MOV10L1: variants seen among roughly 807,000 people sequenced by gnomAD.
The protein encoded by MOV10L1 is RNA helicase Mov10l1.
A neutral mutation model predicts 143.8 loss-of-function variants in MOV10L1; 110 were observed. That is an observed-to-expected ratio of 0.76 (90% CI 0.66 to 0.90). The LOEUF is 0.90. MOV10L1 is among the 40% of genes least tolerant of loss of function. The probability of loss-of-function intolerance (pLI) is 0.00; values close to 1 mark genes in which losing one functional copy is unlikely to be tolerated. For missense variants in MOV10L1, 1,406 were observed against 1,526.8 expected, an observed-to-expected ratio of 0.92 and a Z score of 1.32; for synonymous variants, 593 against 581.1, an observed-to-expected ratio of 1.02 and a Z score of -0.29.
rs139588421 is a variant in MOV10L1 at position 50,155,770 on chromosome 22, C to A, written c.3067-2287C>A. Among the ~76,000 whole-genome samples, 365 of 152,226 alleles carry A rather than the reference C, an allele frequency of 2.4e-3. 4 individuals carry two copies. The highest frequency in any genetic ancestry group is 8.2e-3 in the African/African-American group (342 of 41,542). ...ATTACAGGCGTGAGCCACCGCACCC[C>A]GCCTGGTGGTCACTTTTTTAAATTC... On this transcript the variant is annotated intron_variant, in intron 22 of 26. Transcript: ENST00000262794.
At position 50,117,355 on chromosome 22, in the gene MOV10L1, C is replaced by T; in HGVS notation, c.1454+4C>T. The stretch of plus-strand genomic sequence containing the variant: ...TTGTTGTGACCGCACAGAAAAGGTA[C>T]CATAACTGAAATGAGTGTGGCTCTT... On this transcript the variant is annotated splice_donor_region_variant and intron_variant, in intron 9 of 26. Coordinates refer to ENST00000262794, the MANE Select transcript of MOV10L1 (RefSeq NM_018995.3). The T allele has an allele frequency of 6.2e-7, 1 of 1,611,940 alleles. No homozygotes were observed. The highest frequency in any genetic ancestry group is 8.5e-7 in the Non-Finnish European group (1 of 1,178,800).
chr22:50,132,345 T>TG (rs1398134190), intron 13 of MOV10L1, among the ~76,000 whole-genome samples: 5 of 152,194 alleles, frequency 3.3e-5, no homozygotes, highest in African/African-American at 1.2e-4. Flanking sequence ...GAAAGCCTGT[T>TG]GGGATTTTGA....
In MOV10L1 at chr22:50,160,669, C is replaced by T. The variant is rs375226764; in HGVS notation, c.3325-19C>T. 5.0e-6 allele frequency: 8 copies of T among 1,598,228 alleles called. No homozygotes were observed. Among genetic ancestry groups the T allele is most frequent in the Non-Finnish European group, 6.8e-6 (8 of 1,172,526 alleles). On this transcript the variant is annotated intron_variant, in intron 24 of 26. Coordinates refer to ENST00000262794, the MANE Select transcript of MOV10L1 (RefSeq NM_018995.3). Reference sequence around the variant, plus strand: ...AAAAACTTCAAGTGCCATTTTTATTCATCTCTGTGTGCTTTTAGGTACGGT... The same window carrying T: ...AAAAACTTCAAGTGCCATTTTTATTTATCTCTGTGTGCTTTTAGGTACGGT...
At chr22:50,094,137 C>G (rs1396243326) in intron 2 of MOV10L1, 6 of 152,118 alleles carry the variant, frequency 3.9e-5, no homozygotes, top group African/African-American at 1.4e-4. Context: ...CCCCCTCTGC[C>G]CAGATTTGCT....
chr22:50,110,748 C>T lies in MOV10L1; in HGVS notation c.743+1904C>T, dbSNP rs141049779. ...GAGTTCGAGAACAGCCTGGGCAACA[C>T]GGTGAAACCCCATCTCTACTAAAAT... On this transcript the variant is annotated intron_variant, in intron 5 of 26. Transcript: ENST00000262794. Among the ~76,000 whole-genome samples the T allele has an allele frequency of 2.8e-3, 420 of 151,810 alleles. 4 individuals are homozygous for T. Among genetic ancestry groups the T allele is most frequent in the East Asian group, 0.017 (85 of 5,088 alleles).
intron 10 of MOV10L1, among the ~76,000 whole-genome samples, chr22:50,120,963 T>G (rs1032755681): frequency 6.6e-6 from 1 of 152,284 alleles, no homozygotes; most frequent in South Asian, 2.1e-4. Context: ...TGTTCTAGCC[T>G]TTTACCATCA....
Position 50,099,505 on chromosome 22 carries a change from C to T in MOV10L1, c.345C>T (p.Cys115=), listed in dbSNP as rs1288056571. 25 of 1,614,026 alleles carry T rather than the reference C, an allele frequency of 1.5e-5. No homozygotes were observed. Among genetic ancestry groups the T allele is most frequent in the South Asian group, 2.2e-5 (2 of 91,080 alleles). ...GAAACCATGGGAGTCCCTCAGACTGCGGCCCCCGAGTGTTGATTGGCTGTG... is the reference window on the plus strand; with the variant it reads ...GAAACCATGGGAGTCCCTCAGACTGTGGCCCCCGAGTGTTGATTGGCTGTG... The part of the protein sequence containing the change: ...DSRNHGSPSD[C]GPRVLIGCVT... Residue 115 remains cysteine, a synonymous_variant, in exon 3 of 27, where the codon TGC becomes TGT. Coordinates refer to ENST00000262794, the MANE Select transcript of MOV10L1 (RefSeq NM_018995.3).
rs988223293 is a variant in MOV10L1 at position 50,152,040 on chromosome 22, A to G, written c.2893-1005A>G. Among the ~76,000 whole-genome samples the G allele has an allele frequency of 6.6e-6, 1 of 152,222 alleles. No homozygotes were observed. The highest frequency in any genetic ancestry group is 1.5e-5 in the Non-Finnish European group (1 of 68,028). ...GATCACATTTGGAGTTTGGAGTAGC[A>G]CGTTGGAGGCTGGACACATTCTATT... is the stretch of plus-strand genomic sequence containing the variant. On this transcript the variant is annotated intron_variant, in intron 21 of 26. Transcript: ENST00000262794. This position sits in a 1 kb window ranked among gnomAD's most constrained non-coding sequence, Gnocchi z 4.4.
At chr22:50,131,800 CA>C (rs2062686524) in intron 13 of MOV10L1, among the ~76,000 whole-genome samples, 1 of 151,906 alleles carries the variant, frequency 6.6e-6, no homozygotes, top group Non-Finnish European at 1.5e-5. Context: ...TTCCATTGTA[CA>C]CTTGTCTGTC....
At chr22:50,129,238 A>G (rs946810222) in intron 13 of MOV10L1, among the ~76,000 whole-genome samples, 1 of 152,194 alleles carries the variant, frequency 6.6e-6, no homozygotes, top group Non-Finnish European at 1.5e-5. Context: ...TGTCACCGTC[A>G]GCTACCAGCT....
At chr22:50,112,569 G>T (rs549384950) in intron 5 of MOV10L1, among the ~76,000 whole-genome samples, 1 of 152,304 alleles carries the variant, frequency 6.6e-6, no homozygotes, top group Admixed American at 6.5e-5. Context: ...ACCTGTTTCT[G>T]CCCCCACAGC....
Position 50,125,380 on chromosome 22 carries a change from G to T in MOV10L1, c.1570-12G>T. 1 of 1,613,222 alleles carries T rather than the reference G, an allele frequency of 6.2e-7. No homozygotes were observed. On this transcript the variant is annotated splice_polypyrimidine_tract_variant and intron_variant, in intron 10 of 26. Coordinates refer to ENST00000262794, the MANE Select transcript of MOV10L1 (RefSeq NM_018995.3). Reference sequence around the variant, plus strand: ...GCTGTTGCTGACTTTATAACATTTGGGTGTTTTCCAGCTTCTGAACATGTC... The same window carrying T: ...GCTGTTGCTGACTTTATAACATTTGTGTGTTTTCCAGCTTCTGAACATGTC...
chr22:50,105,454 CCA>C (rs2061844217), intron 3 of MOV10L1, among the ~76,000 whole-genome samples: 1 of 152,146 alleles, frequency 6.6e-6, no homozygotes, highest in Non-Finnish European at 1.5e-5. Context: ...ATTCTCAAGT[CCA>C]GTCTTAGAAT....
Position 50,117,263 on chromosome 22 carries a change from G to A in MOV10L1, c.1366G>A (p.Ala456Thr). The change falls in exon 9 of 27, where the codon GCG becomes ACG. Residue 456 changes from alanine to threonine, a missense_variant. Ala to Thr is a moderately conservative substitution (Grantham distance 58, BLOSUM62 0). Transcript: ENST00000262794. The stretch of plus-strand genomic sequence containing the variant: ...CAGTGGGGAGGAGTCACTAATTGCT[G>A]CGCGCGAACCATTTTCTTGGAAAAA... ...VISGEESLIA[A>T]REPFSWKKLK... 2.5e-6 allele frequency: 4 copies of A among 1,614,072 alleles called. No individual in the cohort carries two copies. The highest frequency in any genetic ancestry group is 3.4e-6 in the Non-Finnish European group (4 of 1,180,008).
In MOV10L1 at chr22:50,090,043, G is replaced by C. The variant is rs968330955; in HGVS notation, c.-46G>C. The C allele has an allele frequency of 3.5e-5, 34 of 984,254 alleles. No individual in the cohort carries two copies. Among genetic ancestry groups the C allele is most frequent in the Non-Finnish European group, 3.8e-5 (30 of 782,062 alleles). The allele number at this position is 984,254 out of a possible 1,614,324, so 61.0% of individuals were successfully genotyped here. A position where few individuals can be genotyped will look rare whatever the true frequency, so the allele number is the denominator to read the frequency against. On this transcript the variant is annotated 5_prime_UTR_variant, in exon 1 of 27. Coordinates refer to ENST00000262794, the MANE Select transcript of MOV10L1 (RefSeq NM_018995.3). ...CGGCGGGAGCGGCGCGGGCGCGTGC[G>C]GGCGGCGGCAGCGGCGGTGACGGCA...
rs1028736605 is a variant in MOV10L1, at chr22:50,154,303, C to A, written c.3066+1085C>A. Among the ~76,000 whole-genome samples, 3 of 152,216 alleles carry A rather than the reference C, an allele frequency of 2.0e-5. No homozygotes were observed. The East Asian group carries it at 5.8e-4, about 29-fold the overall frequency. The stretch of plus-strand genomic sequence containing the variant: ...GCCAGGCACAGGGGCTCACCTGTAA[C>A]CCCAGCACTTTGGGAGGCTGAGGCA... On this transcript the variant is annotated intron_variant, in intron 22 of 26. Coordinates refer to ENST00000262794, the MANE Select transcript of MOV10L1 (RefSeq NM_018995.3).
rs768460395 is a variant in MOV10L1, at chr22:50,126,225, C to G, written c.1771C>G (p.Gln591Glu). The part of the protein sequence containing the change: ...YAGDKLILKT[Q>E]EYNGHAIEYI... ...AGGTGATAAACTGATTTTAAAAACT[C>G]AAGAGTACAATGGACATGCCATCGA... is the stretch of plus-strand genomic sequence containing the variant. The change falls in exon 12 of 27, where the codon CAA becomes GAA. Residue 591 changes from glutamine to glutamate, a missense_variant. By Grantham distance (29) the Gln-to-Glu change is conservative (BLOSUM62 2). Around this residue, in one of 3 missense-constraint regions of MOV10L1, gnomAD observed 1,233 missense variants for 1,351.4 expected, o/e 0.91. Coordinates refer to ENST00000262794, the MANE Select transcript of MOV10L1 (RefSeq NM_018995.3). 1 of 1,611,258 alleles carries G rather than the reference C, an allele frequency of 6.2e-7. No individual in the cohort carries two copies. Among genetic ancestry groups the G allele is most frequent in the East Asian group, 2.2e-5 (1 of 44,852 alleles).
intron 19 of MOV10L1, 45 bp from the exon 20 acceptor site, chr22:50,149,570 A>G (rs765435997): frequency 6.3e-7 from 1 of 1,593,202 alleles, no homozygotes; most frequent in South Asian, 1.1e-5. Flanking sequence ...ATCAATTGCT[A>G]AAACAATTCG....
rs140980361 is a variant in MOV10L1 at position 50,149,669 on chromosome 22, G to A, written c.2682G>A (p.Pro894=). The stretch of plus-strand genomic sequence containing the variant: ...ACGAGGCTGGGCAGGCAAGTGAGCC[G>A]GAATGCCTCATTCCTCTGGGGCTGA... The part of the protein sequence containing the change: ...FVDEAGQASE[P]ECLIPLGLMS... The change falls in exon 20 of 27, where the codon CCG becomes CCA. Residue 894 remains proline (P), a synonymous_variant. Coordinates refer to ENST00000262794, the MANE Select transcript of MOV10L1 (RefSeq NM_018995.3). The A allele has an allele frequency of 4.6e-5, 75 of 1,613,960 alleles. No homozygotes were observed. Among genetic ancestry groups the A allele is most frequent in the Admixed American group, 1.5e-4 (9 of 59,998 alleles).
Sources: gnomAD v4.1 joint callset for allele counts (sites outside exome capture counted in the v4.1 genomes callset) on GRCh38, gnomAD v4.1.1 for gene constraint, gnomAD v4.1.1 regional missense constraint, Gnocchi (gnomAD v3.1) non-coding constraint, MANE v1.5 for transcripts, NCBI Gene and HGNC (gene_info 2026-07-23, HGNC 2026-07-21) for gene names.